The following SHANK2 variants were observed in gnomAD, a reference collection of about 807,000 sequenced individuals.
SHANK2 encodes the protein SH3 and multiple ankyrin repeat domains protein 2.
Under a neutral mutation model 133.7 loss-of-function variants are expected in SHANK2, and 43 were observed. That is an observed-to-expected ratio of 0.32 (90% CI 0.25 to 0.41). The LOEUF (loss-of-function observed/expected upper bound fraction) is 0.41, where lower values mean the gene tolerates loss of function less well. Among genes scored for constraint, SHANK2 ranks in the 10% least tolerant of loss-of-function variants. The pLI is 1.00. For missense variants in SHANK2, 1,994 were observed against 2,235.8 expected, an observed-to-expected ratio of 0.89 and a Z score of 2.18; for synonymous variants, 1,017 against 952.8, an observed-to-expected ratio of 1.07 and a Z score of -1.24.
In SHANK2 at chr11:71,232,267, T is replaced by C. The variant is rs559761332; in HGVS notation, c.-112-7471A>G. ...TGTGTCAGGCCATAAAAGGGCACCATGAGGGGTCCTGGTGTGGACAGCAGC... is the reference window on the plus strand; with the variant it reads ...TGTGTCAGGCCATAAAAGGGCACCACGAGGGGTCCTGGTGTGGACAGCAGC... On this transcript the variant is annotated intron_variant, in intron 1 of 25. Transcript: ENST00000601538. 2.6e-5 allele frequency among the ~76,000 whole-genome samples: 4 copies of C among 152,280 alleles called. No homozygotes were observed. In the South Asian group the frequency reaches 8.3e-4, roughly 32 times the overall value.
chr11:71,088,438 T>C (rs1444931458), intron 8 of SHANK2, among the ~76,000 whole-genome samples: 1 of 152,198 alleles, frequency 6.6e-6, no homozygotes, highest in African/African-American at 2.4e-5. Flanking sequence ...ATGACAGTTC[T>C]GTTCACGTGA....
chr11:70,806,344 T>G (rs1159729554), intron 13 of SHANK2, among the ~76,000 whole-genome samples: 5 of 152,242 alleles, frequency 3.3e-5, no homozygotes, highest in Admixed American at 6.5e-5. Flanking sequence ...ATGTTGCTTC[T>G]GCTGTGTGCC....
At chr11:70,917,055 G>C (rs1020742822) in intron 10 of SHANK2, among the ~76,000 whole-genome samples, 1 of 152,122 alleles carries the variant, frequency 6.6e-6, no homozygotes, top group Non-Finnish European at 1.5e-5. Flanking sequence ...AAGCCACTAC[G>C]CAGCAGGGCA....
intron 9 of SHANK2, among the ~76,000 whole-genome samples, chr11:71,064,568 G>GAGGGAAGACAGACTGGA (rs1951024300): frequency 3.3e-5 from 5 of 152,226 alleles, no homozygotes; most frequent in Admixed American, 6.5e-5. Context: ...AAGTGGATTT[G>GAGGGAAGACAGACTGGA]AGGGAAGACA....
intron 14 of SHANK2, among the ~76,000 whole-genome samples, chr11:70,706,882 G>C (rs1267841757): frequency 5.3e-5 from 8 of 152,196 alleles, no homozygotes; most frequent in African/African-American, 1.9e-4. Flanking sequence ...CTGCTGGAAA[G>C]AGGATGCTGT....
At position 70,486,425 on chromosome 11, in the gene SHANK2, G is replaced by A. The variant is rs781804193; in HGVS notation, c.3868C>T (p.Arg1290Trp). The change falls in exon 25 of 26, where the codon CGG (arginine) becomes TGG (tryptophan). Residue 1290 changes from arginine (R) to tryptophan (W), a missense_variant. Physicochemically the swap from Arg to Trp is moderately radical, Grantham distance 101 (BLOSUM62 -3). Coordinates refer to ENST00000601538, the MANE Select transcript of SHANK2 (RefSeq NM_012309.5). The surrounding 1 kb of genome is among the most constrained non-coding windows in gnomAD (Gnocchi z 8.0). ...ATGTTCTTCTTGTCATCGCCTTTCC[G>A]GTCTCGGCCCAGGTCGGTCTCGTAC... ...NKYETDLGRD[R>W]KGDDKKNMLI... 101 of 1,613,918 alleles carry A rather than the reference G, an allele frequency of 6.3e-5. No homozygotes were observed. Among genetic ancestry groups the A allele is most frequent in the Non-Finnish European group, 7.9e-5 (93 of 1,180,038 alleles).
At chr11:70,904,373 G>C (rs935016528) in intron 10 of SHANK2, among the ~76,000 whole-genome samples, 5 of 152,146 alleles carry the variant, frequency 3.3e-5, no homozygotes, top group African/African-American at 9.7e-5. Context: ...CACCTAAAAA[G>C]CTGCACCCTC....
At chr11:70,943,837 C>A in intron 10 of SHANK2, 1 of 441,156 alleles carries the variant, frequency 2.3e-6, no homozygotes, top group Admixed American at 2.4e-5. Context: ...CACCACAGGG[C>A]CAACCACATC....
At chr11:70,932,952 C>T (rs575719175) in intron 10 of SHANK2, among the ~76,000 whole-genome samples, 10 of 152,284 alleles carry the variant, frequency 6.6e-5, no homozygotes, top group Non-Finnish European at 1.2e-4. Flanking sequence ...GAAAACAGTA[C>T]AGCCGTTCCT....
chr11:70,761,845 G>A (rs531230491), intron 14 of SHANK2, among the ~76,000 whole-genome samples: 16 of 152,332 alleles, frequency 1.1e-4, no homozygotes, highest in East Asian at 5.8e-4. Flanking sequence ...GAGCTGCCCC[G>A]GAGGGCTTTT....
chr11:70,549,786 A>G (rs1284695377), intron 17 of SHANK2, among the ~76,000 whole-genome samples: 1 of 152,214 alleles, frequency 6.6e-6, no homozygotes, highest in Non-Finnish European at 1.5e-5. Flanking sequence ...ACACCGACAC[A>G]GGTGCTCGAG....
chr11:71,228,009 T>G (rs1303744626), intron 1 of SHANK2, among the ~76,000 whole-genome samples: 2 of 151,826 alleles, frequency 1.3e-5, no homozygotes, highest in Non-Finnish European at 2.9e-5. Flanking sequence ...GACAAAACTC[T>G]AGCAAGACTG....
chr11:70,840,302 G>A (rs1948883328), intron 11 of SHANK2, among the ~76,000 whole-genome samples: 1 of 152,238 alleles, frequency 6.6e-6, no homozygotes, highest in African/African-American at 2.4e-5. Flanking sequence ...CAGAGCATGA[G>A]GCAGAGATGC....
intron 2 of SHANK2, among the ~76,000 whole-genome samples, chr11:71,186,661 A>G (rs1466997469): frequency 1.3e-5 from 2 of 152,248 alleles, no homozygotes; most frequent in Admixed American, 1.3e-4. Context: ...TGCATGTCAC[A>G]TAGCCCTCGA....
intron 10 of SHANK2, among the ~76,000 whole-genome samples, chr11:70,905,684 C>T (rs1440558584): frequency 6.6e-6 from 1 of 152,206 alleles, no homozygotes; most frequent in African/African-American, 2.4e-5. Context: ...AAGAAGACCA[C>T]CATCCAGGAA....
intron 17 of SHANK2, among the ~76,000 whole-genome samples, chr11:70,572,861 T>A (rs1161055687): frequency 6.6e-6 from 1 of 152,136 alleles, no homozygotes; most frequent in East Asian, 1.9e-4. Flanking sequence ...AACTTACACA[T>A]CCATCTATCA....
intron 17 of SHANK2, among the ~76,000 whole-genome samples, chr11:70,584,348 T>C (rs146632561): frequency 5.2e-4 from 79 of 152,322 alleles, no homozygotes; most frequent in African/African-American, 1.8e-3. Context: ...TGCTCTGGCA[T>C]CCAGGGTTTT....
rs112535249 is a variant in SHANK2, at chr11:70,905,702, C to T, written c.1108-9135G>A. Among the ~76,000 whole-genome samples the T allele has an allele frequency of 4.9e-4, 74 of 152,312 alleles. 1 individual carries two copies. Among genetic ancestry groups the T allele is most frequent in the African/African-American group, 1.8e-3 (74 of 41,576 alleles). The stretch of plus-strand genomic sequence containing the variant: ...AAGACCACCATCCAGGAAGTGGGCC[C>T]TCATCAGACAGCCCATCTGCTGGCC... On this transcript the variant is annotated intron_variant, in intron 10 of 25. Transcript: ENST00000601538.
chr11:70,863,786 A>G, intron 11 of SHANK2: 1 of 457,150 alleles, frequency 2.2e-6, no homozygotes, highest in Non-Finnish European at 4.4e-6. Flanking sequence ...CTCATCCAAC[A>G]GGAGAGGTGT....
Sources: gnomAD v4.1 joint callset for allele counts (sites outside exome capture counted in the v4.1 genomes callset) on GRCh38, gnomAD v4.1.1 for gene constraint, Gnocchi (gnomAD v3.1) non-coding constraint, MANE v1.5 for transcripts, NCBI Gene and HGNC (gene_info 2026-07-23, HGNC 2026-07-21) for gene names.